The following CHN2 variants were observed in gnomAD, a reference collection of about 807,000 sequenced individuals.
The protein encoded by CHN2 is chimerin 2, also known as beta-chimaerin.
In CHN2, 35 loss-of-function variants were observed where a neutral mutation model predicts 56.3. The observed-to-expected ratio is 0.62, with a 90% CI of 0.47 to 0.82. CHN2 has a LOEUF of 0.82. CHN2 is among the 40% of genes least tolerant of loss of function. The pLI is 0.00. For missense variants in CHN2, 491 were observed against 580.5 expected, an observed-to-expected ratio of 0.85 and a Z score of 1.58; for synonymous variants, 210 against 212.8, an observed-to-expected ratio of 0.99 and a Z score of 0.12.
In CHN2 at chr7:29,212,712, A is replaced by G. The variant is rs527728775; in HGVS notation, c.49+17722A>G. The G allele has an allele frequency of 4.9e-5, 78 of 1,593,940 alleles. No individual in the cohort carries two copies. In the Middle Eastern group the frequency reaches 6.6e-4, roughly 14 times the overall value. ...AATATCTGGAACCTCAGCTACAAAC[A>G]GGTGAAGACCTGGTTCTAGAACCAG... On this transcript the variant is annotated intron_variant, in intron 1 of 12. Coordinates refer to ENST00000222792, the MANE Select transcript of CHN2 (RefSeq NM_004067.4).
intron 7 of CHN2, among the ~76,000 whole-genome samples, chr7:29,490,125 TTTG>T (rs201766001): frequency 0.16 from 23,614 of 151,316 alleles, 1,929 homozygotes; most frequent in Admixed American, 0.19. Flanking sequence ...TTTTTTTTTT[TTTG>T]AAACACCATT....
intron 1 of CHN2, among the ~76,000 whole-genome samples, chr7:29,230,464 C>T (rs1786586230): frequency 6.6e-6 from 1 of 152,242 alleles, no homozygotes; most frequent in East Asian, 1.9e-4. Context: ...CCTCAGCCTC[C>T]CGAGTAGCTG....
intron 6 of CHN2, among the ~76,000 whole-genome samples, chr7:29,431,408 G>A (rs564523091): frequency 7.2e-5 from 11 of 152,176 alleles, no homozygotes; most frequent in Non-Finnish European, 1.5e-4. Context: ...GATGAGATCA[G>A]CTTCTTCCCT....
chr7:29,283,045 G>A (rs1424492929), intron 1 of CHN2, among the ~76,000 whole-genome samples: 1 of 152,152 alleles, frequency 6.6e-6, no homozygotes, highest in Non-Finnish European at 1.5e-5. Flanking sequence ...GAAAAGAGAA[G>A]CCACCTCTCC....
chr7:29,268,283 A>AATACACACACAC (rs1790307356), intron 1 of CHN2, among the ~76,000 whole-genome samples: 1 of 134,170 alleles, frequency 7.5e-6, no homozygotes, highest in South Asian at 2.7e-4. Context: ...GCTTCACCAG[A>AATACACACACAC]ACACACACAC....
intron 6 of CHN2, among the ~76,000 whole-genome samples, chr7:29,478,083 A>G (rs951335729): frequency 1.3e-5 from 2 of 152,190 alleles, no homozygotes; most frequent in Non-Finnish European, 2.9e-5. Flanking sequence ...ATAAAACACT[A>G]TGGGATTTCA....
intron 1 of CHN2, among the ~76,000 whole-genome samples, chr7:29,197,353 C>A (rs1340845314): frequency 2.0e-5 from 3 of 152,180 alleles, no homozygotes; most frequent in African/African-American, 7.2e-5. Context: ...GGCTTCATCA[C>A]CGACCAGCTG....
chr7:29,480,379 T>C, intron 7 of CHN2, 23 bp downstream of exon 7: 2 of 1,610,242 alleles, frequency 1.2e-6, no homozygotes, highest in Non-Finnish European at 1.7e-6. Flanking sequence ...CTGCATTCCT[T>C]CTTCTGTTAC....
chr7:29,329,010 A>C (rs1392967536), intron 1 of CHN2, among the ~76,000 whole-genome samples: 1 of 152,218 alleles, frequency 6.6e-6, no homozygotes, highest in Non-Finnish European at 1.5e-5. Context: ...TACCTGAAGA[A>C]TCATGCTCAT....
chr7:29,250,973 G>A (rs903542210), intron 1 of CHN2, among the ~76,000 whole-genome samples: 1 of 152,166 alleles, frequency 6.6e-6, no homozygotes, highest in Non-Finnish European at 1.5e-5. Flanking sequence ...GCCTCCCAAA[G>A]TGGTGGGATT....
rs566999249 is a variant in CHN2, at chr7:29,380,929, C to T, written c.145-12750C>T. ...ATTATTTAGTTTGAGGAAGAACAGG[C>T]GATCTAGTGGCACAGAGATGGCTTT... is the stretch of plus-strand genomic sequence containing the variant. On this transcript the variant is annotated intron_variant, in intron 3 of 12. Coordinates refer to ENST00000222792, the MANE Select transcript of CHN2 (RefSeq NM_004067.4). 3.9e-5 allele frequency: 6 copies of T among 152,036 alleles called. No individual in the cohort carries two copies. In the East Asian group the frequency reaches 5.8e-4, roughly 15 times the overall value. The allele number at this position is 152,036 out of a possible 1,614,324, so 9.4% of individuals were successfully genotyped here.
intron 2 of CHN2, chr7:29,185,401 C>T (rs1272295264): frequency 6.6e-6 from 1 of 152,154 alleles, no homozygotes; most frequent in African/African-American, 2.4e-5. Context: ...ATTCTATTTT[C>T]TCATATCATG....
At chr7:29,450,391 T>C (rs973563703) in intron 6 of CHN2, among the ~76,000 whole-genome samples, 3 of 152,186 alleles carry the variant, frequency 2.0e-5, no homozygotes, top group Admixed American at 6.5e-5. Flanking sequence ...TGGATAATCT[T>C]TGTGGACCCT....
intron 2 of CHN2, among the ~76,000 whole-genome samples, chr7:29,189,343 C>A (rs1054748478): frequency 1.3e-5 from 2 of 151,994 alleles, no homozygotes; most frequent in Non-Finnish European, 2.9e-5. Flanking sequence ...TTAATGAATG[C>A]TTGAATAAAT....
At chr7:29,197,660 C>T (rs757640259) in intron 1 of CHN2, among the ~76,000 whole-genome samples, 6 of 152,188 alleles carry the variant, frequency 3.9e-5, no homozygotes, top group Non-Finnish European at 5.9e-5. Context: ...GAATTTTGGG[C>T]TTCATTAAAT....
At chr7:29,318,646 C>T (rs1312823127) in intron 1 of CHN2, among the ~76,000 whole-genome samples, 1 of 152,032 alleles carries the variant, frequency 6.6e-6, no homozygotes, top group East Asian at 1.9e-4. Flanking sequence ...GTAACTTTTG[C>T]TGCAGTTATT....
chr7:29,318,537 G>A (rs369429894), intron 1 of CHN2, among the ~76,000 whole-genome samples: 2 of 152,150 alleles, frequency 1.3e-5, no homozygotes, highest in East Asian at 1.9e-4. Flanking sequence ...AGTGAGAAGA[G>A]ACAAGGGCAA....
chr7:29,223,574 T>G (rs562521844), intron 1 of CHN2, among the ~76,000 whole-genome samples: 77 of 152,314 alleles, frequency 5.1e-4, no homozygotes, highest in African/African-American at 1.7e-3. Context: ...ATGTTGAGAT[T>G]TATCTATATA....
intron 1 of CHN2, among the ~76,000 whole-genome samples, chr7:29,258,523 A>G (rs777922613): frequency 2.6e-5 from 4 of 152,132 alleles, no homozygotes; most frequent in Non-Finnish European, 4.4e-5. Flanking sequence ...TTTCTTCCAT[A>G]AAGTCTAAGT....
Sources: allele counts gnomAD v4.1 joint callset (sites outside exome capture counted in the v4.1 genomes callset), GRCh38; gene constraint gnomAD v4.1.1; transcripts MANE v1.5; gene names NCBI Gene and HGNC (gene_info 2026-07-23, HGNC 2026-07-21).